Variants in CSMD1 observed in about 807,000 individuals in gnomAD.
CSMD1 encodes the protein CUB and Sushi multiple domains 1.
Under a neutral mutation model 417.5 loss-of-function variants are expected in CSMD1, and 213 were observed. The observed-to-expected ratio is 0.51, with a 90% CI of 0.46 to 0.57. The LOEUF (loss-of-function observed/expected upper bound fraction) is 0.57. CSMD1 is among the 20% of genes least tolerant of loss of function. CSMD1 has a pLI of 0.00. For missense variants in CSMD1, 6,923 were observed against 4,529.7 expected (o/e 1.53, Z -15.17); for synonymous variants, 2,862 against 1,736.8 (o/e 1.65, Z -16.11).
chr8:4,830,927 T>C (rs1427167078), intron 1 of CSMD1, among the ~76,000 whole-genome samples: 1 of 152,260 alleles, frequency 6.6e-6, no homozygotes, highest in East Asian at 1.9e-4. Context: ...AACTTCCTTA[T>C]GTTACCCAGA....
intron 3 of CSMD1, among the ~76,000 whole-genome samples, chr8:4,081,594 A>G (rs1339172299): frequency 6.6e-6 from 1 of 152,166 alleles, no homozygotes; most frequent in Non-Finnish European, 1.5e-5. Context: ...ATACCCAACC[A>G]CTGCAGAATA....
chr8:3,891,618 G>C (rs1028621721), intron 5 of CSMD1, among the ~76,000 whole-genome samples: 1 of 152,038 alleles, frequency 6.6e-6, no homozygotes, highest in Non-Finnish European at 1.5e-5. Context: ...AGGAGGTCCA[G>C]GCTTCAGTGA....
intron 3 of CSMD1, among the ~76,000 whole-genome samples, chr8:4,374,770 A>C (rs1210817464): frequency 6.6e-6 from 1 of 152,082 alleles, no homozygotes; most frequent in Non-Finnish European, 1.5e-5. Context: ...TGTCTAATGA[A>C]TGGCCACCTG....
intron 5 of CSMD1, among the ~76,000 whole-genome samples, chr8:3,814,699 G>T (rs1344943860): frequency 6.6e-6 from 1 of 152,106 alleles, no homozygotes; most frequent in Non-Finnish European, 1.5e-5. Flanking sequence ...TAGCCCTCTG[G>T]TGATCGCTGA....
chr8:3,000,950 C>G (rs1483815223), intron 52 of CSMD1, among the ~76,000 whole-genome samples: 2 of 151,962 alleles, frequency 1.3e-5, no homozygotes, highest in East Asian at 1.9e-4. Flanking sequence ...GGAGACAGAC[C>G]CTCTGACATT....
chr8:4,349,482 G>A (rs1800963484), intron 3 of CSMD1, among the ~76,000 whole-genome samples: 2 of 152,152 alleles, frequency 1.3e-5, no homozygotes, highest in South Asian at 4.1e-4. Flanking sequence ...GGTAGAAAAT[G>A]GAGAGCTCTA....
intron 3 of CSMD1, among the ~76,000 whole-genome samples, chr8:4,047,431 G>A (rs1016939608): frequency 7.2e-5 from 11 of 152,128 alleles, no homozygotes; most frequent in African/African-American, 2.4e-4. Flanking sequence ...AATTAAAATG[G>A]CATTTTTCCC....
At chr8:4,522,253 C>A (rs1490582965) in intron 2 of CSMD1, among the ~76,000 whole-genome samples, 1 of 152,116 alleles carries the variant, frequency 6.6e-6, no homozygotes, top group Non-Finnish European at 1.5e-5. Flanking sequence ...TGCTGCCATC[C>A]ACATAAGACG....
At chr8:4,598,288 C>T (rs543763713) in intron 2 of CSMD1, among the ~76,000 whole-genome samples, 1 of 152,274 alleles carries the variant, frequency 6.6e-6, no homozygotes, top group East Asian at 1.9e-4. Flanking sequence ...TTTGGATTTG[C>T]TATTTGAATT....
rs1585124814 is a variant in CSMD1, at chr8:4,265,867, G to A, written c.415+154086C>T. Among the ~76,000 whole-genome samples, 2 of 104,532 alleles carry A rather than the reference G, an allele frequency of 1.9e-5. 1 individual carries two copies. The highest frequency in any genetic ancestry group is 5.2e-5 in the African/African-American group (2 of 38,218). The allele number at this position is 104,532 out of a possible 152,430, so 68.6% of individuals were successfully genotyped here. The stretch of plus-strand genomic sequence containing the variant: ...CCAGCTATTTCTATAGGTCCATGGT[G>A]TCCCCACAGATAAAGATTCCCACAC... On this transcript the variant is annotated intron_variant, in intron 3 of 69. Transcript: ENST00000635120.
chr8:4,948,131 C>A (rs558655251), intron 1 of CSMD1, among the ~76,000 whole-genome samples: 1 of 152,032 alleles, frequency 6.6e-6, no homozygotes, highest in African/African-American at 2.4e-5. Context: ...TCAATTTATA[C>A]TACTATCATC....
At chr8:3,306,757 A>G (rs1049055329) in intron 25 of CSMD1, among the ~76,000 whole-genome samples, 5 of 152,212 alleles carry the variant, frequency 3.3e-5, no homozygotes, top group Non-Finnish European at 7.3e-5. Context: ...AATAAAACTG[A>G]TTTTAAAATT....
At chr8:3,262,183 G>GAA (rs143292375) in intron 26 of CSMD1, among the ~76,000 whole-genome samples, 12,594 of 52,464 alleles carry the variant, frequency 0.24, 1,852 homozygotes, top group Admixed American at 0.28. Context: ...ATGCTCATAT[G>GAA]AATATATATA....
At chr8:2,966,507 T>G (rs1040205026) in intron 58 of CSMD1, 63 bp downstream of exon 58, 1 of 1,484,928 alleles carries the variant, frequency 6.7e-7, no homozygotes, top group Non-Finnish European at 9.2e-7. Context: ...AAAGTCATTT[T>G]TTTTCCCAAT....
intron 10 of CSMD1, among the ~76,000 whole-genome samples, chr8:3,522,166 G>C (rs1186593075): frequency 1.3e-5 from 2 of 152,052 alleles, no homozygotes; most frequent in Non-Finnish European, 2.9e-5. Context: ...ATTATTCGAA[G>C]TGTTCAGCAA....
At chr8:4,231,031 C>T (rs998258997) in intron 3 of CSMD1, among the ~76,000 whole-genome samples, 1 of 152,086 alleles carries the variant, frequency 6.6e-6, no homozygotes, top group Admixed American at 6.6e-5. Context: ...CAAAAACTAT[C>T]CAACTTGCTA....
intron 1 of CSMD1, among the ~76,000 whole-genome samples, chr8:4,969,988 A>G (rs1479392585): frequency 1.3e-5 from 2 of 149,740 alleles, no homozygotes. Flanking sequence ...CATGCCTTCC[A>G]TGGTCCGTAT....
intron 3 of CSMD1, among the ~76,000 whole-genome samples, chr8:4,232,004 C>T (rs964494700): frequency 6.6e-5 from 10 of 152,104 alleles, no homozygotes; most frequent in African/African-American, 1.9e-4. Context: ...GCAAAGCCAT[C>T]GACATAGGAC....
intron 5 of CSMD1, among the ~76,000 whole-genome samples, chr8:3,769,357 A>G (rs1467194402): frequency 2.6e-5 from 4 of 151,990 alleles, no homozygotes; most frequent in Non-Finnish European, 5.9e-5. Context: ...GTACCAAATT[A>G]GATAACAATA....
Sources: gnomAD v4.1 joint callset for allele counts (sites outside exome capture counted in the v4.1 genomes callset) on GRCh38, gnomAD v4.1.1 for gene constraint, MANE v1.5 for transcripts, NCBI Gene and HGNC (gene_info 2026-07-23, HGNC 2026-07-21) for gene names.